GAS6: variants seen among roughly 807,000 people sequenced by gnomAD.
The protein encoded by GAS6 is growth arrest-specific protein 6.
Under a neutral mutation model 75.8 loss-of-function variants are expected in GAS6, and 41 were observed. The observed-to-expected ratio is 0.54, with a 90% CI of 0.42 to 0.70. The LOEUF is 0.70. Among genes scored for constraint, GAS6 ranks in the 30% least tolerant of loss-of-function variants. The pLI is 0.00. For missense variants in GAS6, 854 were observed against 940.2 expected (o/e 0.91, Z 1.20); for synonymous variants, 432 against 412.6 (o/e 1.05, Z -0.57).
rs1450509661 is a variant in GAS6 at position 113,838,058 on chromosome 13, C to A, written c.589+11G>T. On this transcript the variant is annotated intron_variant, in intron 6 of 14. Transcript: ENST00000327773. ...AGGAGAGAGGAGAGAGGCCTCACCC[C>A]AGGGCCTTACCTTGGCAGGTCCTGC... 1 of 1,612,050 alleles carries A rather than the reference C, an allele frequency of 6.2e-7. No homozygotes were observed. Among genetic ancestry groups the A allele is most frequent in the Non-Finnish European group, 8.5e-7 (1 of 1,179,776 alleles).
intron 2 of GAS6, among the ~76,000 whole-genome samples, chr13:113,858,847 ATGTG>A (rs994546911): frequency 7.4e-5 from 8 of 107,802 alleles, no homozygotes; most frequent in African/African-American, 3.4e-4. Flanking sequence ...GTCTGTTAGT[ATGTG>A]TGTCATTATG....
At chr13:113,823,337 C>A in intron 13 of GAS6, 38 bp downstream of exon 13, 2 of 1,571,560 alleles carry the variant, frequency 1.3e-6, no homozygotes, top group South Asian at 2.3e-5. Context: ...ACCCGTGGGT[C>A]GAGCCGGTCA....
At position 113,838,131 on chromosome 13, in the gene GAS6, C is replaced by T. The variant is rs769922768; in HGVS notation, c.527G>A (p.Gly176Asp). The change falls in exon 6 of 15, where the codon GGT becomes GAT. Residue 176 changes from glycine (G) to aspartate (D), a missense_variant. Physicochemically the swap from Gly to Asp is moderately conservative, Grantham distance 94. Transcript: ENST00000327773. ...GCTGTGGCAGGAACAGTGGAAGCTA[C>T]CCGGCTTGTTGTGGCAGATCTGGAG... ...GCLQICHNKP[G>D]SFHCSCHSGF... 1.2e-6 allele frequency: 2 copies of T among 1,612,882 alleles called. No individual in the cohort carries two copies. Among genetic ancestry groups the T allele is most frequent in the Admixed American group, 1.7e-5 (1 of 60,018 alleles).
chr13:113,844,220 A>G lies in GAS6; in HGVS notation c.343+2307T>C, dbSNP rs558185592. The stretch of plus-strand genomic sequence containing the variant: ...AGCCACAGCAAGAGATTCTCTTCCT[A>G]TCACACAGGGAACAAACTCAAGGAT... On this transcript the variant is annotated intron_variant, in intron 4 of 14. Transcript: ENST00000327773. The surrounding 1 kb of genome is among the most constrained non-coding windows in gnomAD (Gnocchi z 5.7). 13 of 150,852 alleles carry G rather than the reference A, an allele frequency of 8.6e-5. No homozygotes were observed. The highest frequency in any genetic ancestry group is 3.2e-4 in the African/African-American group (13 of 40,238). 9.3% of individuals were successfully genotyped at this position (150,852 alleles called of 1,614,324 possible). A position where few individuals can be genotyped will look rare whatever the true frequency, so the allele number is the denominator to read the frequency against.
intron 6 of GAS6, among the ~76,000 whole-genome samples, chr13:113,836,210 G>A (rs1483423128): frequency 7.6e-5 from 2 of 26,406 alleles, no homozygotes; most frequent in African/African-American, 4.1e-4. Flanking sequence ...GGTGGGGGAG[G>A]AGAAGGGGGA....
In GAS6 at chr13:113,837,818, G is replaced by A. The variant is rs1041614053; in HGVS notation, c.589+251C>T. ...AATGGACGAGGCCCTACAGCCAGCA[G>A]TGTGGCCTCATGGGCTGGGCCGGCC... On this transcript the variant is annotated intron_variant, in intron 6 of 14. Coordinates refer to ENST00000327773, the MANE Select transcript of GAS6 (RefSeq NM_000820.4). The surrounding 1 kb of genome is among the most constrained non-coding windows in gnomAD (Gnocchi z 5.1). 2.0e-5 allele frequency among the ~76,000 whole-genome samples: 3 copies of A among 152,180 alleles called. No homozygotes were observed. The highest frequency in any genetic ancestry group is 2.9e-5 in the Non-Finnish European group (2 of 68,018).
chr13:113,833,112 G>A lies in GAS6; in HGVS notation c.835-360C>T, dbSNP rs530167622. 3.3e-5 allele frequency: 39 copies of A among 1,176,840 alleles called. No individual in the cohort carries two copies. In the South Asian group the frequency reaches 6.6e-4, roughly 20 times the overall value. The allele number at this position is 1,176,840 out of a possible 1,614,324, so 72.9% of individuals were successfully genotyped here. On this transcript the variant is annotated intron_variant, in intron 8 of 14. Transcript: ENST00000327773. ...ATGAAATAGATATGGATGCCTTGAA[G>A]ATGGCTGTCCTGGAAAGTTCCCTGT...
intron 4 of GAS6, 112 bp from the exon 5 acceptor site, chr13:113,839,962 T>C (rs2051759045): frequency 5.9e-6 from 9 of 1,523,604 alleles, no homozygotes; most frequent in Non-Finnish European, 9.0e-7. Flanking sequence ...GGAGGAGCTC[T>C]GAGGGGCGCA....
Position 113,838,104 on chromosome 13 carries a change from C to A in GAS6, c.554G>T (p.Gly185Val). The change falls in exon 6 of 15, where the codon GGC becomes GTC. Residue 185 changes from glycine (G) to valine (V), a missense_variant. Physicochemically the swap from Gly to Val is moderately radical, Grantham distance 109 (BLOSUM62 -3). Transcript: ENST00000327773. ...CCTGCCATCAGAGGAGAGCTCGAAG[C>A]CGCTGTGGCAGGAACAGTGGAAGCT... ...PGSFHCSCHS[G>V]FELSSDGRTC... The A allele has an allele frequency of 6.2e-7, 1 of 1,612,958 alleles. No individual in the cohort carries two copies.
intron 2 of GAS6, among the ~76,000 whole-genome samples, chr13:113,861,662 C>T (rs964775808): frequency 3.3e-5 from 5 of 152,098 alleles, no homozygotes; most frequent in Non-Finnish European, 7.4e-5. Context: ...GCCTGGTGTG[C>T]TGGAGCCGGC....
chr13:113,838,057 CCAGGGCCTTACCTTGG>C lies in GAS6; in HGVS notation c.585_589+11del. 1 of 1,612,048 alleles carries C rather than the reference CCAGGGCCTTACCTTGG, an allele frequency of 6.2e-7. No individual in the cohort carries two copies. ...GAGGAGAGAGGAGAGAGGCCTCACCCCAGGGCCTTACCTTGGCAGGTCCTGCCATCAGAGGAGAGCT... is the reference window on the plus strand; with the variant it reads ...GAGGAGAGAGGAGAGAGGCCTCACCCCAGGTCCTGCCATCAGAGGAGAGCT... On this transcript the variant is annotated splice_donor_variant and splice_donor_5th_base_variant and coding_sequence_variant and intron_variant, in exon 6 of 15. Coordinates refer to ENST00000327773, the MANE Select transcript of GAS6 (RefSeq NM_000820.4).
intron 2 of GAS6, among the ~76,000 whole-genome samples, chr13:113,858,687 C>CTG (rs140736589): frequency 8.2e-6 from 1 of 122,436 alleles, no homozygotes; most frequent in Non-Finnish European, 1.6e-5. Flanking sequence ...GTATGCATGT[C>CTG]TGTGTGTGTG....
In GAS6 at chr13:113,835,603, C is replaced by G. The variant is rs1429779557; in HGVS notation, c.622G>C (p.Gly208Arg). The G allele has an allele frequency of 2.5e-6, 4 of 1,612,340 alleles. No homozygotes were observed. The highest frequency in any genetic ancestry group is 1.3e-5 in the African/African-American group (1 of 75,014). Reference sequence around the variant, plus strand: ...GGCAGGTTCTTGCAGCGCGCCTCCCCGCAGGCCTCCGAGTCTGCGCACTCG... The same window carrying G: ...GGCAGGTTCTTGCAGCGCGCCTCCCGGCAGGCCTCCGAGTCTGCGCACTCG... ...IDECADSEAC[G>R]EARCKNLPGS... Residue 208 changes from glycine to arginine, a missense_variant, in exon 7 of 15, where the codon GGG becomes CGG. Coordinates refer to ENST00000327773, the MANE Select transcript of GAS6 (RefSeq NM_000820.4).
At chr13:113,846,741 T>TA in intron 3 of GAS6, 152 bp from the exon 4 acceptor site, 1 of 653,296 alleles carries the variant, frequency 1.5e-6, no homozygotes, top group African/African-American at 1.8e-5. Flanking sequence ...CTTGTGTTAA[T>TA]AAAAAACATG....
rs1131093 is a variant in GAS6 at position 113,863,987 on chromosome 13, G to T, written c.-67C>A. ...GGCGAGCCGCGGGCGCCGCGGGGCG[G>T]AGGCTCCGGTCATCCCGTCCTGGCG... is the stretch of plus-strand genomic sequence containing the variant. On this transcript the variant is annotated 5_prime_UTR_variant, in exon 1 of 15. Transcript: ENST00000327773. The surrounding 1 kb of genome is among the most constrained non-coding windows in gnomAD (Gnocchi z 9.4). 9.8e-7 allele frequency: 1 copy of T among 1,023,394 alleles called. No homozygotes were observed. Among genetic ancestry groups the T allele is most frequent in the Non-Finnish European group, 1.2e-6 (1 of 857,360 alleles). The allele number at this position is 1,023,394 out of a possible 1,614,324, so 63.4% of individuals were successfully genotyped here.
In GAS6 at chr13:113,847,565, C is replaced by T. The variant is rs539611075; in HGVS notation, c.280+461G>A. On this transcript the variant is annotated intron_variant, in intron 3 of 14. Transcript: ENST00000327773. ...CCAGCTGCTCTGATGGCTGAGATAA[C>T]GTCTGGCATTCCCGTTCTTCAAATT... is the stretch of plus-strand genomic sequence containing the variant. 2.1e-3 allele frequency: 392 copies of T among 189,580 alleles called. 1 individual carries two copies. The highest frequency in any genetic ancestry group is 2.8e-3 in the Non-Finnish European group (265 of 94,580). 11.7% of individuals were successfully genotyped at this position (189,580 alleles called of 1,614,324 possible).
intron 11 of GAS6, among the ~76,000 whole-genome samples, chr13:113,827,816 G>A (rs957264322): frequency 3.9e-5 from 6 of 152,192 alleles, no homozygotes; most frequent in Non-Finnish European, 7.3e-5. Context: ...GACACAGGTC[G>A]GGGGCACGGG....
chr13:113,838,045 A>T (rs1324547723), intron 6 of GAS6, 24 bp downstream of exon 6: 4 of 1,610,712 alleles, frequency 2.5e-6, no homozygotes, highest in Non-Finnish European at 3.4e-6. Context: ...GAGAGAGGAG[A>T]GAGGCCTCAC....
intron 5 of GAS6, 147 bp from the exon 6 acceptor site, chr13:113,838,338 C>A: frequency 1.1e-6 from 1 of 907,840 alleles, no homozygotes; most frequent in South Asian, 1.5e-5. Context: ...AGAGAGAGAT[C>A]CCAAAGGTGC....
Sources: gnomAD v4.1 joint callset for allele counts (sites outside exome capture counted in the v4.1 genomes callset) on GRCh38, gnomAD v4.1.1 for gene constraint, Gnocchi (gnomAD v3.1) non-coding constraint, MANE v1.5 for transcripts, NCBI Gene and HGNC (gene_info 2026-07-23, HGNC 2026-07-21) for gene names.